WDPCP: variants seen among roughly 807,000 people sequenced by gnomAD.
WDPCP encodes the protein WD repeat containing planar cell polarity effector, also known as WD repeat-containing and planar cell polarity effector protein fritz homolog.
A neutral mutation model predicts 93.1 loss-of-function variants in WDPCP; 71 were observed. That is an observed-to-expected ratio of 0.76 (90% CI 0.63 to 0.93). The LOEUF is 0.93. Among genes scored for constraint, WDPCP ranks in the 40% least tolerant of loss-of-function variants. WDPCP has a pLI of 0.00. For missense variants in WDPCP, 844 were observed against 887.4 expected (o/e 0.95, Z 0.62); for synonymous variants, 315 against 315.0 (o/e 1.00, Z 0.00).
chr2:63,782,013 C>A (rs1195086540), intron 2 of WDPCP, among the ~76,000 whole-genome samples: 1 of 152,104 alleles, frequency 6.6e-6, no homozygotes, highest in Admixed American at 6.6e-5. Context: ...GCCCAGAAAG[C>A]CTTTCCTTCC....
chr2:63,518,331 T>C (rs1380901267), intron 1 of WDPCP: 1 of 152,594 alleles, frequency 6.6e-6, no homozygotes, highest in African/African-American at 2.4e-5. Context: ...GGAAGGAAGC[T>C]GGGAACACAG....
chr2:63,719,380 C>G (rs1165914660), intron 2 of WDPCP, among the ~76,000 whole-genome samples: 1 of 152,096 alleles, frequency 6.6e-6, no homozygotes, highest in Non-Finnish European at 1.5e-5. Flanking sequence ...CTTTTTCTGT[C>G]TGCTCTCTGA....
At chr2:63,635,654 CAT>C (rs1396845543) in intron 3 of WDPCP, among the ~76,000 whole-genome samples, 3 of 152,098 alleles carry the variant, frequency 2.0e-5, no homozygotes, top group African/African-American at 4.8e-5. Context: ...TAAAAATCAA[CAT>C]GTTTCATGAT....
At chr2:63,833,492 A>C in the WDPCP span, among the ~76,000 whole-genome samples, 91 of 152,358 alleles carry the variant, frequency 6.0e-4, no homozygotes, top group African/African-American at 1.9e-3. Context: ...ATGCGAAAAC[A>C]GAAAAACACC....
At chr2:63,510,665 T>C (rs1427673667) in intron 1 of WDPCP, among the ~76,000 whole-genome samples, 3 of 152,190 alleles carry the variant, frequency 2.0e-5, no homozygotes, top group Non-Finnish European at 4.4e-5. Context: ...GATGACATGA[T>C]TGTATATTTA....
intron 2 of WDPCP, among the ~76,000 whole-genome samples, chr2:63,796,705 C>T (rs960752596): frequency 1.3e-5 from 2 of 152,186 alleles, no homozygotes; most frequent in Non-Finnish European, 2.9e-5. Context: ...GAGAATTAAC[C>T]GAGTTCTTAC....
intron 4 of WDPCP, among the ~76,000 whole-genome samples, chr2:63,485,670 A>T (rs991409435): frequency 1.3e-5 from 2 of 151,914 alleles, no homozygotes; most frequent in African/African-American, 4.8e-5. Context: ...TTAGCCTAAA[A>T]TAAATTAAAA....
chr2:63,377,195 A>G (rs1489592011), intron 12 of WDPCP, among the ~76,000 whole-genome samples: 1 of 151,908 alleles, frequency 6.6e-6, no homozygotes, highest in Non-Finnish European at 1.5e-5. Flanking sequence ...CCACTTATCT[A>G]TGCCTCAGTT....
chr2:63,607,799 G>C (rs1024184292), intron 3 of WDPCP, among the ~76,000 whole-genome samples: 1 of 148,452 alleles, frequency 6.7e-6, no homozygotes, highest in Non-Finnish European at 1.5e-5. Flanking sequence ...CTGCACTCCA[G>C]CCTGGGCACA....
At chr2:63,416,344 T>G (rs1486990614) in intron 9 of WDPCP, among the ~76,000 whole-genome samples, 1 of 151,518 alleles carries the variant, frequency 6.6e-6, no homozygotes, top group African/African-American at 2.4e-5. Flanking sequence ...CGATTACAGG[T>G]GCACACCACC....
At chr2:63,572,084 G>A (rs1707549627) in intron 1 of WDPCP, among the ~76,000 whole-genome samples, 1 of 152,172 alleles carries the variant, frequency 6.6e-6, no homozygotes, top group Non-Finnish European at 1.5e-5. Flanking sequence ...TCAGGCTCCA[G>A]AGGAAACCAA....
At chr2:63,752,400 C>G (rs1466019382) in intron 2 of WDPCP, 1 of 764,306 alleles carries the variant, frequency 1.3e-6, no homozygotes, top group African/African-American at 1.7e-5. Context: ...GCTTTCCCAT[C>G]CACCTTGTGT....
At position 63,758,429 on chromosome 2, in the gene WDPCP, T is replaced by TTTTTG. The variant is rs538920253; in HGVS notation, n.308+55188_308+55192dup. 2.5e-3 allele frequency among the ~76,000 whole-genome samples: 381 copies of TTTTTG among 152,204 alleles called. 15 individuals carry two copies. In the South Asian group the frequency reaches 0.069, roughly 27 times the overall value. On this transcript the variant is annotated intron_variant and non_coding_transcript_variant, in intron 2 of 4. Transcript: ENST00000467687. ...GGTAATCAGGAGAGGTTCTGGAATC[T>TTTTTG]TTTTGTTTTGTTTTGTTTTTGCTTT... is the stretch of plus-strand genomic sequence containing the variant.
intron 2 of WDPCP, among the ~76,000 whole-genome samples, chr2:63,738,422 C>T (rs1330835439): frequency 3.3e-5 from 5 of 150,120 alleles, no homozygotes; most frequent in Non-Finnish European, 1.5e-5. Flanking sequence ...GGACCACCCC[C>T]ACTCCTTCTC....
At chr2:63,547,574 C>CACACACAT (rs1553429515) in intron 1 of WDPCP, among the ~76,000 whole-genome samples, 2 of 151,180 alleles carry the variant, frequency 1.3e-5, no homozygotes, top group Non-Finnish European at 3.0e-5. Context: ...CACACACACA[C>CACACACAT]ACATACACAC....
chr2:63,335,960 G>A (rs895734522), intron 12 of WDPCP, among the ~76,000 whole-genome samples: 1 of 152,094 alleles, frequency 6.6e-6, no homozygotes, highest in Non-Finnish European at 1.5e-5. Context: ...TCCCACCAGC[G>A]CCATGACAGT....
chr2:63,405,532 AGTGTGTGTGTGTGTGTGTGTGTGTGT>A (rs55807956), intron 9 of WDPCP, among the ~76,000 whole-genome samples: 33 of 125,010 alleles, frequency 2.6e-4, no homozygotes, highest in African/African-American at 8.2e-4. Flanking sequence ...ATTTTGGTAT[AGTGTGTGTGTGTGTGTGTGTGTGTGT>A]GTGTGTGTGT....
Position 63,487,444 on chromosome 2 carries a change from T to C in WDPCP, c.208+3A>G, listed in dbSNP as rs769140165. Reference sequence around the variant, plus strand: ...AATTAATTGCACAGAATAGGTACTTTACCTGGTGGATCTTTCTTGTCATAA... The same window carrying C: ...AATTAATTGCACAGAATAGGTACTTCACCTGGTGGATCTTTCTTGTCATAA... On this transcript the variant is annotated splice_donor_region_variant and intron_variant, in intron 3 of 17. Transcript: ENST00000272321. 2.8e-5 allele frequency: 45 copies of C among 1,586,814 alleles called. No homozygotes were observed. The highest frequency in any genetic ancestry group is 3.8e-5 in the Non-Finnish European group (44 of 1,157,034).
intron 2 of WDPCP, among the ~76,000 whole-genome samples, chr2:63,802,701 T>A (rs964804701): frequency 2.0e-5 from 3 of 152,170 alleles, no homozygotes; most frequent in Admixed American, 2.0e-4. Flanking sequence ...ATTAGGAAAT[T>A]GTCTATATTA....
Sources: gnomAD v4.1 joint callset for allele counts (sites outside exome capture counted in the v4.1 genomes callset) on GRCh38, gnomAD v4.1.1 for gene constraint, MANE v1.5 for transcripts, NCBI Gene and HGNC (gene_info 2026-07-23, HGNC 2026-07-21) for gene names.